The following PAG1 variants were observed in gnomAD, a reference collection of about 807,000 sequenced individuals.
PAG1 encodes phosphoprotein membrane anchor with glycosphingolipid microdomains 1, also known as phosphoprotein associated with glycosphingolipid-enriched microdomains 1.
Under a neutral mutation model 31.7 loss-of-function variants are expected in PAG1, and 23 were observed. The ratio of observed to expected loss-of-function variants is 0.73; its 90% CI spans 0.52 to 1.03. The LOEUF is 1.03. Among genes scored for constraint, PAG1 ranks in the 50% least tolerant of loss-of-function variants. The pLI is 0.00. For synonymous variants in PAG1, 214 were observed against 210.3 expected (o/e 1.02, Z -0.15); for missense variants, 473 against 540.7 (o/e 0.87, Z 1.24).
At chr8:81,075,190 G>T (rs1050117158) in intron 1 of PAG1, among the ~76,000 whole-genome samples, 1 of 152,204 alleles carries the variant, frequency 6.6e-6, no homozygotes, top group African/African-American at 2.4e-5. Flanking sequence ...AATGCAAAAT[G>T]TATAGTATTG....
chr8:80,993,574 T>C (rs1027797157), intron 3 of PAG1, among the ~76,000 whole-genome samples: 3 of 151,302 alleles, frequency 2.0e-5, no homozygotes, highest in Non-Finnish European at 4.4e-5. Flanking sequence ...TATCTTGATA[T>C]GTTTGGGGGT....
chr8:81,054,137 C>T (rs1808776695), intron 2 of PAG1, among the ~76,000 whole-genome samples: 1 of 152,146 alleles, frequency 6.6e-6, no homozygotes. Context: ...CAAGATCACC[C>T]AGGAAGAACA....
At chr8:81,024,290 A>T (rs1808236807) in intron 3 of PAG1, among the ~76,000 whole-genome samples, 2 of 152,166 alleles carry the variant, frequency 1.3e-5, no homozygotes, top group South Asian at 4.1e-4. Flanking sequence ...GGCTCGGCCA[A>T]TGCTAAGTTA....
chr8:81,017,312 T>A (rs1269287825), intron 3 of PAG1, among the ~76,000 whole-genome samples: 1 of 152,258 alleles, frequency 6.6e-6, no homozygotes, highest in African/African-American at 2.4e-5. Context: ...AACAGAACTC[T>A]GACTTTTTAT....
intron 3 of PAG1, among the ~76,000 whole-genome samples, chr8:81,029,579 C>T (rs1437788389): frequency 3.9e-5 from 6 of 152,146 alleles, no homozygotes; most frequent in Admixed American, 3.9e-4. Flanking sequence ...GCTTTTCCCT[C>T]TTGTGACATG....
At chr8:81,084,009 T>C (rs776082433) in intron 1 of PAG1, among the ~76,000 whole-genome samples, 104 of 150,820 alleles carry the variant, frequency 6.9e-4, no homozygotes, top group Non-Finnish European at 1.2e-3. Context: ...CACTCCAGCA[T>C]GGGCAACAGA....
At chr8:81,098,742 C>A (rs1364910661) in intron 1 of PAG1, among the ~76,000 whole-genome samples, 2 of 152,164 alleles carry the variant, frequency 1.3e-5, no homozygotes, top group African/African-American at 4.8e-5. Flanking sequence ...TGGCCTTCAT[C>A]CACCAAAAGT....
chr8:81,039,029 T>C (rs767254777), intron 2 of PAG1, among the ~76,000 whole-genome samples: 1 of 152,140 alleles, frequency 6.6e-6, no homozygotes, highest in South Asian at 2.1e-4. Context: ...CAGTAAATGT[T>C]AGCTACAGTA....
chr8:81,078,802 A>T (rs553089637), intron 1 of PAG1, among the ~76,000 whole-genome samples: 8 of 152,302 alleles, frequency 5.3e-5, no homozygotes, highest in African/African-American at 1.9e-4. Context: ...CATTTTACAC[A>T]TGAGGAAACT....
intron 8 of PAG1, among the ~76,000 whole-genome samples, chr8:80,978,778 C>T (rs1180144537): frequency 6.6e-6 from 1 of 152,192 alleles, no homozygotes; most frequent in African/African-American, 2.4e-5. Flanking sequence ...TTCCTTTTGA[C>T]TGTTTTCTAT....
Position 80,987,448 on chromosome 8 carries a change from A to T in PAG1, c.196T>A (p.Phe66Ile), listed in dbSNP as rs1369906739. 3.1e-6 allele frequency: 5 copies of T among 1,613,616 alleles called. No individual in the cohort carries two copies. Among genetic ancestry groups the T allele is most frequent in the Non-Finnish European group, 4.2e-6 (5 of 1,179,618 alleles). The change falls in exon 6 of 9, where the codon TTC becomes ATC. Residue 66 changes from phenylalanine to isoleucine, a missense_variant. Coordinates refer to ENST00000220597, the MANE Select transcript of PAG1 (RefSeq NM_018440.4). The part of the protein sequence containing the change: ...LMNVPSDKEM[F>I]SRSVTSLATD... ...GCCAGGCTAGTAACTGAACGGCTGAACATCTCCTTGTCTGAAGGCTGAAAA... is the reference window on the plus strand; with the variant it reads ...GCCAGGCTAGTAACTGAACGGCTGATCATCTCCTTGTCTGAAGGCTGAAAA...
chr8:81,103,124 T>A (rs1809634400), intron 1 of PAG1, among the ~76,000 whole-genome samples: 1 of 145,616 alleles, frequency 6.9e-6, no homozygotes, highest in African/African-American at 2.6e-5. Context: ...GCTCTTGAGA[T>A]AATGAATGCA....
chr8:81,020,328 G>A (rs1237241366), intron 3 of PAG1, among the ~76,000 whole-genome samples: 2 of 152,152 alleles, frequency 1.3e-5, no homozygotes, highest in Non-Finnish European at 2.9e-5. Context: ...GGGGCCAGGG[G>A]TAGAATGATA....
chr8:81,038,025 C>A (rs992120583), intron 2 of PAG1, among the ~76,000 whole-genome samples: 3 of 152,194 alleles, frequency 2.0e-5, no homozygotes, highest in African/African-American at 7.2e-5. Context: ...TTGTCTCTCA[C>A]AAAGCCTCAG....
At chr8:81,014,967 T>G (rs1403196962) in intron 3 of PAG1, among the ~76,000 whole-genome samples, 1 of 152,178 alleles carries the variant, frequency 6.6e-6, no homozygotes, top group Non-Finnish European at 1.5e-5. Flanking sequence ...TCTCTATCAT[T>G]TAAGGACTTA....
intron 3 of PAG1, among the ~76,000 whole-genome samples, chr8:81,002,888 AAC>A (rs1228202136): frequency 6.6e-6 from 1 of 152,192 alleles, no homozygotes; most frequent in Non-Finnish European, 1.5e-5. Context: ...AGAAAGTCAG[AAC>A]TTGTATTTAA....
intron 3 of PAG1, among the ~76,000 whole-genome samples, chr8:81,007,060 C>T (rs1022432466): frequency 1.3e-5 from 2 of 152,168 alleles, no homozygotes; most frequent in African/African-American, 4.8e-5. Context: ...GCCCCCTTCA[C>T]TTCTCTATGC....
At chr8:81,022,464 T>C (rs1430773825) in intron 3 of PAG1, among the ~76,000 whole-genome samples, 1 of 152,202 alleles carries the variant, frequency 6.6e-6, no homozygotes, top group East Asian at 1.9e-4. Flanking sequence ...ACGATGCTTA[T>C]CTAAGTCATT....
chr8:81,064,947 G>A (rs1027484392), intron 2 of PAG1, among the ~76,000 whole-genome samples: 1 of 152,214 alleles, frequency 6.6e-6, no homozygotes, highest in African/African-American at 2.4e-5. Flanking sequence ...AGCCTCCTCT[G>A]AAGAGGCTCC....
Sources: allele counts gnomAD v4.1 joint callset (sites outside exome capture counted in the v4.1 genomes callset), GRCh38; gene constraint gnomAD v4.1.1; transcripts MANE v1.5; gene names NCBI Gene and HGNC (gene_info 2026-07-23, HGNC 2026-07-21).